The following HNF4A variants were observed in gnomAD, a reference collection of about 807,000 sequenced individuals.
HNF4A encodes hepatocyte nuclear factor 4 alpha, also known as hepatocyte nuclear factor 4-alpha.
Under a neutral mutation model 52.4 loss-of-function variants are expected in HNF4A, and 15 were observed. The ratio of observed to expected loss-of-function variants is 0.29; its 90% CI spans 0.19 to 0.44. The LOEUF (loss-of-function observed/expected upper bound fraction) is 0.44. Ranked by LOEUF, HNF4A falls within the 20% of genes least tolerant of loss-of-function variation. HNF4A has a pLI of 1.00. For missense variants in HNF4A, 479 were observed against 647.2 expected (o/e 0.74, Z 2.82); for synonymous variants, 280 against 264.4 (o/e 1.06, Z -0.57).
intron 8 of HNF4A, among the ~76,000 whole-genome samples, chr20:44,424,975 A>G (rs1429823791): frequency 1.3e-5 from 2 of 152,114 alleles, no homozygotes; most frequent in African/African-American, 4.8e-5. Context: ...GAGAGTGAAA[A>G]CCAGACTAAG....
intron 8 of HNF4A, among the ~76,000 whole-genome samples, chr20:44,426,575 G>A (rs913626555): frequency 2.0e-4 from 31 of 152,088 alleles, no homozygotes; most frequent in African/African-American, 3.1e-4. Context: ...AGGCCGAGGC[G>A]GGTGGATCAC....
intron 3 of HNF4A, among the ~76,000 whole-genome samples, chr20:44,411,295 G>A (rs552032231): frequency 1.3e-5 from 2 of 152,306 alleles, no homozygotes; most frequent in East Asian, 3.9e-4. Flanking sequence ...CCTCTGCCCA[G>A]GTCGGTTAAT....
At chr20:44,388,417 G>T (rs2063261227) in intron 1 of HNF4A, among the ~76,000 whole-genome samples, 1 of 133,318 alleles carries the variant, frequency 7.5e-6, no homozygotes, top group African/African-American at 3.2e-5. Context: ...GGGAACAGAA[G>T]TTTAGTAGGT....
chr20:44,397,597 A>T (rs887033384), upstream of HNF4A, among the ~76,000 whole-genome samples: 10 of 152,080 alleles, frequency 6.6e-5, no homozygotes, highest in African/African-American at 2.4e-4. Context: ...TGTACCCATG[A>T]ACCAACGTCT....
At chr20:44,402,557 T>C (rs1318339294) in intron 1 of HNF4A, 1 of 1,365,042 alleles carries the variant, frequency 7.3e-7, no homozygotes, top group Admixed American at 1.9e-5. Flanking sequence ...TGAGCAGATT[T>C]TGTTGCCGCT....
chr20:44,415,810 G>A (rs2146423714), intron 5 of HNF4A, among the ~76,000 whole-genome samples: 4 of 152,200 alleles, frequency 2.6e-5, no homozygotes, highest in Middle Eastern at 3.4e-3. Context: ...CTCATACAGG[G>A]GCTGGACCCG....
At chr20:44,418,278 G>C in intron 5 of HNF4A, 147 bp from the exon 6 acceptor site, 1 of 758,926 alleles carries the variant, frequency 1.3e-6, no homozygotes, top group Non-Finnish European at 2.4e-6. Context: ...TAGTTTTATG[G>C]GTAGTAGTTT....
intron 1 of HNF4A, among the ~76,000 whole-genome samples, chr20:44,367,596 G>C (rs1326751248): frequency 1.7e-4 from 25 of 146,990 alleles, no homozygotes; most frequent in Non-Finnish European, 5.9e-5. Flanking sequence ...AGCCAAGATC[G>C]CACCACTGCA....
rs73275395 is a variant in HNF4A at position 44,393,503 on chromosome 20, A to G, written c.50-12555A>G. Among the ~76,000 whole-genome samples the G allele has an allele frequency of 5.7e-3, 867 of 152,344 alleles. 8 individuals carry two copies. The highest frequency in any genetic ancestry group is 0.02 in the African/African-American group (817 of 41,578). On this transcript the variant is annotated intron_variant, in intron 1 of 9. Coordinates refer to the HNF4A transcript ENST00000316673. Reference sequence around the variant, plus strand: ...AGGGTAGCCCTGGAGTTAGAGGCACAGACTCTAGAGACAGACTGCCCAAGT... The same window carrying G: ...AGGGTAGCCCTGGAGTTAGAGGCACGGACTCTAGAGACAGACTGCCCAAGT...
intron 1 of HNF4A, among the ~76,000 whole-genome samples, chr20:44,376,258 C>G (rs945487415): frequency 7.9e-5 from 12 of 152,114 alleles, no homozygotes; most frequent in Non-Finnish European, 1.5e-4. Context: ...GACTGAGACT[C>G]TGTCTCAAAG....
upstream of HNF4A, among the ~76,000 whole-genome samples, chr20:44,396,561 G>C (rs1472175560): frequency 6.6e-6 from 1 of 152,136 alleles, no homozygotes; most frequent in Non-Finnish European, 1.5e-5. Flanking sequence ...AGTGAGCAGA[G>C]GTAAAGAACA....
intron 1 of HNF4A, among the ~76,000 whole-genome samples, chr20:44,376,256 C>T (rs1424215536): frequency 6.6e-6 from 1 of 152,086 alleles, no homozygotes; most frequent in African/African-American, 2.4e-5. Flanking sequence ...CAGACTGAGA[C>T]TCTGTCTCAA....
At chr20:44,383,809 C>T (rs2063185368) in intron 1 of HNF4A, among the ~76,000 whole-genome samples, 1 of 151,828 alleles carries the variant, frequency 6.6e-6, no homozygotes. Context: ...CCACCTCAGC[C>T]CCCCAAACTG....
chr20:44,407,290 T>TG (rs1360170020), intron 2 of HNF4A, 91 bp from the exon 3 acceptor site: 13 of 912,216 alleles, frequency 1.4e-5, no homozygotes, highest in Non-Finnish European at 2.3e-5. Flanking sequence ...GCACTGAGGT[T>TG]GGGGGGTCAA....
intron 1 of HNF4A, among the ~76,000 whole-genome samples, chr20:44,362,627 C>A (rs970677229): frequency 6.6e-6 from 1 of 152,014 alleles, no homozygotes; most frequent in Non-Finnish European, 1.5e-5. Context: ...ATAACCCATC[C>A]AAGTAGGAAA....
chr20:44,370,312 C>T (rs1253865807), intron 1 of HNF4A, among the ~76,000 whole-genome samples: 2 of 152,230 alleles, frequency 1.3e-5, no homozygotes, highest in East Asian at 3.8e-4. Context: ...CAGGCGTGAG[C>T]CACAACGCCC....
At chr20:44,422,128 A>G (rs924092799) in intron 7 of HNF4A, among the ~76,000 whole-genome samples, 8 of 152,108 alleles carry the variant, frequency 5.3e-5, no homozygotes, top group Admixed American at 5.2e-4. Context: ...ACTTCAGACC[A>G]CCTGTCAATC....
At chr20:44,405,499 A>C (rs1289123538) in intron 1 of HNF4A, among the ~76,000 whole-genome samples, 1 of 152,026 alleles carries the variant, frequency 6.6e-6, no homozygotes, top group Non-Finnish European at 1.5e-5. Context: ...ATTTGTGTAG[A>C]TGCAGTAGCT....
chr20:44,367,212 G>C (rs1398354073), intron 1 of HNF4A, among the ~76,000 whole-genome samples: 1 of 151,908 alleles, frequency 6.6e-6, no homozygotes, highest in Non-Finnish European at 1.5e-5. Context: ...GTGCTTGCCT[G>C]TAATCCCAGC....
Sources: gnomAD v4.1 joint callset for allele counts (sites outside exome capture counted in the v4.1 genomes callset) on GRCh38, gnomAD v4.1.1 for gene constraint, MANE v1.5 for transcripts, NCBI Gene and HGNC (gene_info 2026-07-23, HGNC 2026-07-21) for gene names.